The following OPCML variants were observed in gnomAD, a reference collection of about 807,000 sequenced individuals.
The protein encoded by OPCML is opioid-binding protein/cell adhesion molecule.
OPCML carries 13 observed loss-of-function variants against 37.8 expected under a neutral mutation model. The observed-to-expected ratio is 0.34, with a 90% confidence interval of 0.22 to 0.55. The LOEUF is 0.55. Ranked by LOEUF, OPCML falls within the 20% of genes least tolerant of loss-of-function variation. The pLI is 0.91. For missense variants in OPCML, 341 were observed against 435.6 expected (o/e 0.78, Z 1.93); for synonymous variants, 176 against 168.8 (o/e 1.04, Z -0.33).
intron 4 of OPCML, among the ~76,000 whole-genome samples, chr11:132,498,581 A>G (rs2096238512): frequency 1.3e-5 from 2 of 152,202 alleles, no homozygotes; most frequent in South Asian, 4.1e-4. Context: ...ACTTGGCTTT[A>G]TTTATACTCT....
chr11:133,094,553 G>T (rs980389344), intron 1 of OPCML, among the ~76,000 whole-genome samples: 2 of 152,246 alleles, frequency 1.3e-5, no homozygotes, highest in East Asian at 1.9e-4. Context: ...ACAAAAATTT[G>T]CTCAGAAGCA....
At chr11:133,017,348 G>A (rs547596678) in intron 1 of OPCML, among the ~76,000 whole-genome samples, 1 of 152,002 alleles carries the variant, frequency 6.6e-6, no homozygotes, top group East Asian at 1.9e-4. Context: ...GTAATTCTTA[G>A]GTAATTTAAT....
intron 1 of OPCML, among the ~76,000 whole-genome samples, chr11:133,500,639 T>C (rs573575877): frequency 1.1e-3 from 171 of 152,304 alleles, no homozygotes; most frequent in African/African-American, 3.9e-3. Context: ...CCAGCTCCCA[T>C]GGCAGCTCCT....
rs1346930935 is a variant in OPCML, at chr11:132,945,667, G to C, written c.62-2657C>G. Among the ~76,000 whole-genome samples the C allele has an allele frequency of 2.0e-5, 3 of 151,864 alleles. No individual in the cohort carries two copies. In the South Asian group the frequency reaches 6.3e-4, roughly 32 times the overall value. On this transcript the variant is annotated intron_variant, in intron 1 of 7. Coordinates refer to ENST00000524381, the MANE Select transcript of OPCML (RefSeq NM_001012393.5). ...GTAACTTTTTAACTTTATACACTTTGAATTATTTTAACTTTTTGACTGTTG... is the reference window on the plus strand; with the variant it reads ...GTAACTTTTTAACTTTATACACTTTCAATTATTTTAACTTTTTGACTGTTG...
At chr11:133,019,946 T>A (rs989103480) in intron 1 of OPCML, among the ~76,000 whole-genome samples, 2 of 152,238 alleles carry the variant, frequency 1.3e-5, no homozygotes, top group Non-Finnish European at 2.9e-5. Flanking sequence ...ATGCACATGC[T>A]GACCCTTTGT....
At chr11:133,052,398 C>T (rs757367281) in intron 1 of OPCML, among the ~76,000 whole-genome samples, 1 of 152,212 alleles carries the variant, frequency 6.6e-6, no homozygotes, top group African/African-American at 2.4e-5. Context: ...AGAAACTATA[C>T]TTGATGAACA....
At chr11:132,780,339 G>T (rs1339976338) in intron 2 of OPCML, among the ~76,000 whole-genome samples, 1 of 152,186 alleles carries the variant, frequency 6.6e-6, no homozygotes, top group Non-Finnish European at 1.5e-5. Context: ...TAGTGCCAAC[G>T]GTAGGAAGAC....
intron 1 of OPCML, among the ~76,000 whole-genome samples, chr11:133,089,903 T>G (rs1948878004): frequency 6.6e-6 from 1 of 152,206 alleles, no homozygotes; most frequent in Non-Finnish European, 1.5e-5. Context: ...ACTTTGGCAC[T>G]GTTCTAGGTG....
chr11:132,720,317 C>A (rs1273925317), intron 2 of OPCML, among the ~76,000 whole-genome samples: 1 of 152,202 alleles, frequency 6.6e-6, no homozygotes, highest in Non-Finnish European at 1.5e-5. Context: ...CCCTCTCTCC[C>A]AAGTCGTTGT....
intron 2 of OPCML, among the ~76,000 whole-genome samples, chr11:132,733,793 A>G (rs1035717729): frequency 2.0e-5 from 3 of 152,220 alleles, no homozygotes; most frequent in African/African-American, 7.2e-5. Flanking sequence ...CTGGGTAAGA[A>G]AAGAAACTAG....
intron 1 of OPCML, chr11:133,065,065 CACGGTGCAGAGGAA>C (rs914233923): frequency 3.0e-4 from 45 of 152,218 alleles, no homozygotes; most frequent in African/African-American, 9.4e-4. Flanking sequence ...CGGAGGAAAG[CACGGTGCAGAGGAA>C]ACGGTTCAGT....
intron 1 of OPCML, among the ~76,000 whole-genome samples, chr11:133,283,923 G>C (rs984632492): frequency 1.1e-4 from 16 of 152,012 alleles, no homozygotes; most frequent in African/African-American, 3.4e-4. Flanking sequence ...TGAGGAGCTG[G>C]CCTGACACTC....
At chr11:133,421,638 T>G in intron 1 of OPCML, 8 of 985,468 alleles carry the variant, frequency 8.1e-6, no homozygotes, top group Non-Finnish European at 9.6e-6. Flanking sequence ...TCATTCACTC[T>G]TATTTTGTTT....
At chr11:132,801,030 T>C (rs1474980206) in intron 2 of OPCML, among the ~76,000 whole-genome samples, 1 of 152,188 alleles carries the variant, frequency 6.6e-6, no homozygotes, top group African/African-American at 2.4e-5. Context: ...CATGGGCTTT[T>C]CCCTATGGAT....
chr11:133,361,967 C>G (rs1002178871), intron 1 of OPCML: 2 of 152,278 alleles, frequency 1.3e-5, no homozygotes, highest in African/African-American at 4.8e-5. Flanking sequence ...TGCCGCCGTC[C>G]GAGGAGCTGG....
intron 1 of OPCML, among the ~76,000 whole-genome samples, chr11:133,082,788 C>A (rs903227664): frequency 6.8e-6 from 1 of 148,058 alleles, no homozygotes; most frequent in African/African-American, 2.5e-5. Context: ...CGCCCCGGCG[C>A]CTGGGCCTCC....
At chr11:132,524,860 A>G (rs2512703) in intron 4 of OPCML, among the ~76,000 whole-genome samples, 60,036 of 152,126 alleles carry the variant, frequency 0.39, 14,428 homozygotes, top group Non-Finnish European at 0.54. Flanking sequence ...GGTAAGAAGG[A>G]TATGTCTTTG....
chr11:133,300,560 C>T (rs1197777392), intron 1 of OPCML: 4 of 152,240 alleles, frequency 2.6e-5, no homozygotes, highest in South Asian at 2.1e-4. Context: ...AATCACAATA[C>T]TTCCTGATGA....
At chr11:132,498,458 C>T (rs1409977141) in intron 4 of OPCML, among the ~76,000 whole-genome samples, 1 of 152,210 alleles carries the variant, frequency 6.6e-6, no homozygotes, top group African/African-American at 2.4e-5. Flanking sequence ...TTTTGCCATG[C>T]AGCTACAGGT....
Sources: allele counts gnomAD v4.1 joint callset (sites outside exome capture counted in the v4.1 genomes callset), GRCh38; gene constraint gnomAD v4.1.1; transcripts MANE v1.5; gene names NCBI Gene and HGNC (gene_info 2026-07-23, HGNC 2026-07-21).